STXBP5: variants seen among roughly 807,000 people sequenced by gnomAD.
STXBP5 encodes syntaxin binding protein 5.
STXBP5 carries 50 observed loss-of-function variants against 152.4 expected under a neutral mutation model. That is an observed-to-expected ratio of 0.33 (90% CI 0.26 to 0.42). The LOEUF (loss-of-function observed/expected upper bound fraction) is 0.42. Among genes scored for constraint, STXBP5 ranks in the 10% least tolerant of loss-of-function variants. STXBP5 has a pLI of 1.00. For missense variants in STXBP5, 1,167 were observed against 1,388.6 expected (o/e 0.84, Z 2.54); for synonymous variants, 492 against 494.7 (o/e 0.99, Z 0.07).
chr6:147,267,893 A>G (rs1285736089), intron 7 of STXBP5, among the ~76,000 whole-genome samples: 1 of 152,118 alleles, frequency 6.6e-6, no homozygotes, highest in African/African-American at 2.4e-5. Flanking sequence ...GTAGTTGCAA[A>G]ATAGGAGACA....
intron 4 of STXBP5, among the ~76,000 whole-genome samples, chr6:147,247,543 T>C (rs1246197782): frequency 6.6e-6 from 1 of 152,302 alleles, no homozygotes; most frequent in Non-Finnish European, 1.5e-5. Context: ...AAGACAGTTA[T>C]GATTTGATAA....
intron 21 of STXBP5, among the ~76,000 whole-genome samples, chr6:147,347,396 A>G (rs1784387431): frequency 6.6e-6 from 1 of 152,212 alleles, no homozygotes; most frequent in Non-Finnish European, 1.5e-5. Context: ...GAACTACCTC[A>G]TGATGAAAGT....
At chr6:147,237,166 C>A (rs188492816) in intron 3 of STXBP5, among the ~76,000 whole-genome samples, 1 of 152,180 alleles carries the variant, frequency 6.6e-6, no homozygotes, top group African/African-American at 2.4e-5. Flanking sequence ...TTTACTGTAA[C>A]CTAAATTTTA....
intron 8 of STXBP5, among the ~76,000 whole-genome samples, chr6:147,279,402 G>A (rs2128342390): frequency 1.3e-5 from 2 of 152,220 alleles, no homozygotes; most frequent in South Asian, 4.1e-4. Flanking sequence ...GCTATTGCTA[G>A]TATTTCATTG....
chr6:147,324,264 GTTT>G (rs1179573055), intron 16 of STXBP5, among the ~76,000 whole-genome samples: 2 of 57,950 alleles, frequency 3.5e-5, no homozygotes, highest in African/African-American at 7.7e-5. Context: ...TTTTTTTTTG[GTTT>G]TTTTTTTTTT....
intron 7 of STXBP5, among the ~76,000 whole-genome samples, chr6:147,268,849 T>A (rs1352840966): frequency 1.3e-5 from 2 of 152,186 alleles, no homozygotes; most frequent in African/African-American, 4.8e-5. Context: ...CAGTATTTTT[T>A]AGAGAGGAGA....
chr6:147,314,431 T>A, intron 13 of STXBP5, 100 bp downstream of exon 13: 2 of 1,309,822 alleles, frequency 1.5e-6, no homozygotes, highest in South Asian at 1.2e-5. Flanking sequence ...AGAGCTTTCC[T>A]TTATGTCGTA....
At chr6:147,254,762 A>G (rs543715523) in intron 4 of STXBP5, among the ~76,000 whole-genome samples, 12 of 152,346 alleles carry the variant, frequency 7.9e-5, no homozygotes, top group South Asian at 4.1e-4. Flanking sequence ...CAAAACCACA[A>G]TGAGATATCA....
At chr6:147,266,170 G>A (rs1382099442) in intron 6 of STXBP5, among the ~76,000 whole-genome samples, 1 of 152,076 alleles carries the variant, frequency 6.6e-6, no homozygotes, top group Admixed American at 6.6e-5. Flanking sequence ...TATGGTAAGG[G>A]ATGGAACTGG....
chr6:147,229,133 G>A lies in STXBP5; in HGVS notation c.249-6117G>A, dbSNP rs7774002. On this transcript the variant is annotated intron_variant, in intron 2 of 27. Transcript: ENST00000321680. ...TTGTCTTGTTTTTTTCTCCTCCTGT[G>A]CTGCATTTCATTTAAGTTGCTAAAT... Among the ~76,000 whole-genome samples the A allele has an allele frequency of 4.3e-3, 647 of 152,036 alleles. 4 individuals are homozygous for A. The highest frequency in any genetic ancestry group is 0.015 in the African/African-American group (619 of 41,522).
chr6:147,225,562 A>T (rs1777668844), intron 2 of STXBP5, among the ~76,000 whole-genome samples: 1 of 152,226 alleles, frequency 6.6e-6, no homozygotes, highest in Non-Finnish European at 1.5e-5. Context: ...ACAAAATATT[A>T]ACAATTTATA....
chr6:147,383,763 T>C (rs1786209817), intron 27 of STXBP5, among the ~76,000 whole-genome samples: 1 of 152,020 alleles, frequency 6.6e-6, no homozygotes, highest in Non-Finnish European at 1.5e-5. Flanking sequence ...CAATCTGTAG[T>C]GGTAGCTCTT....
chr6:147,337,192 G>GACACACACACACACAC (rs61074711), intron 19 of STXBP5, among the ~76,000 whole-genome samples: 2,066 of 53,924 alleles, frequency 0.038, 52 homozygotes, highest in African/African-American at 0.089. Context: ...CACATACATA[G>GACACACACACACACAC]ACACACACAC....
rs1474720777 is a variant in STXBP5 at position 147,389,718 on chromosome 6, T to A, written c.*4963T>A. 6.6e-6 allele frequency: 1 copy of A among 151,946 alleles called. No individual in the cohort carries two copies. Among genetic ancestry groups the A allele is most frequent in the Non-Finnish European group, 1.5e-5 (1 of 67,866 alleles). 9.4% of individuals were successfully genotyped at this position (151,946 alleles called of 1,614,324 possible). The stretch of plus-strand genomic sequence containing the variant: ...TTGTTTATTTACTTTTGCTATTTGT[T>A]TTGTATTGTCTAAACTTTGCTTCAA... On this transcript the variant is annotated 3_prime_UTR_variant, in exon 28 of 28. Coordinates refer to ENST00000321680, the MANE Select transcript of STXBP5 (RefSeq NM_001127715.4).
chr6:147,263,342 C>CTTTTTTTTTTTTTTTTTTTTTTTTTT (rs1029110765), intron 6 of STXBP5, among the ~76,000 whole-genome samples: 5 of 128,818 alleles, frequency 3.9e-5, no homozygotes, highest in East Asian at 2.3e-4. Context: ...TTCTTTCTTT[C>CTTTTTTTTTTTTTTTTTTTTTTTTTT]TTTTTTTTTT....
At chr6:147,368,288 C>T (rs771722581) in intron 25 of STXBP5, among the ~76,000 whole-genome samples, 1 of 151,722 alleles carries the variant, frequency 6.6e-6, no homozygotes, top group Non-Finnish European at 1.5e-5. Flanking sequence ...AAATTGAATT[C>T]AGCAATATAT....
At chr6:147,308,705 TC>T (rs1419017917) in intron 9 of STXBP5, among the ~76,000 whole-genome samples, 2 of 152,194 alleles carry the variant, frequency 1.3e-5, no homozygotes, top group Non-Finnish European at 2.9e-5. Flanking sequence ...AGCACATACA[TC>T]TATTGCATTG....
At chr6:147,279,131 T>A (rs1048743289) in intron 8 of STXBP5, among the ~76,000 whole-genome samples, 1 of 152,236 alleles carries the variant, frequency 6.6e-6, no homozygotes, top group South Asian at 2.1e-4. Flanking sequence ...AGCAGATCTT[T>A]GTAGTGATAG....
Position 147,290,874 on chromosome 6 carries a change from G to C in STXBP5, c.839-220G>C, listed in dbSNP as rs1781244476. ...TTTGTCACATAAATGTTCTTACTAAGTTATTAATTATATTTGCTTTTTAGC... is the reference window on the plus strand; with the variant it reads ...TTTGTCACATAAATGTTCTTACTAACTTATTAATTATATTTGCTTTTTAGC... On this transcript the variant is annotated intron_variant, in intron 8 of 27. Coordinates refer to ENST00000321680, the MANE Select transcript of STXBP5 (RefSeq NM_001127715.4). Among the ~76,000 whole-genome samples, 3 of 152,220 alleles carry C rather than the reference G, an allele frequency of 2.0e-5. No homozygotes were observed. The South Asian group carries it at 6.2e-4, about 32-fold the overall frequency.
Sources: allele counts gnomAD v4.1 joint callset (sites outside exome capture counted in the v4.1 genomes callset), GRCh38; gene constraint gnomAD v4.1.1; transcripts MANE v1.5; gene names NCBI Gene and HGNC (gene_info 2026-07-23, HGNC 2026-07-21).